GTF3C4: variants seen among roughly 807,000 people sequenced by gnomAD.
The protein encoded by GTF3C4 is general transcription factor IIIC subunit 4, also known as general transcription factor 3C polypeptide 4.
Under a neutral mutation model 67.5 loss-of-function variants are expected in GTF3C4, and 28 were observed. The ratio of observed to expected loss-of-function variants is 0.41; its 90% CI spans 0.31 to 0.57. The LOEUF (loss-of-function observed/expected upper bound fraction) is 0.57, where lower values mean the gene tolerates loss of function less well. Among genes scored for constraint, GTF3C4 ranks in the 20% least tolerant of loss-of-function variants. The probability of loss-of-function intolerance (pLI) is 0.21; values close to 1 mark genes in which losing one functional copy is unlikely to be tolerated. For synonymous variants in GTF3C4, 409 were observed against 393.0 expected (o/e 1.04, Z -0.48); for missense variants, 831 against 1,033.2 (o/e 0.80, Z 2.68).
In GTF3C4 at chr9:132,670,685, G is replaced by A; in HGVS notation, c.87G>A (p.Glu29=). ...SGEEEGEGGG[E]AGGKEPAADA... is the part of the protein sequence containing the mutation. ...AGGAGGAGGGAGAGGGGGGCGGCGAGGCGGGCGGGAAGGAGCCAGCAGCGG... is the reference window on the plus strand; with the variant it reads ...AGGAGGAGGGAGAGGGGGGCGGCGAAGCGGGCGGGAAGGAGCCAGCAGCGG... The change falls in exon 1 of 5, where the codon GAG becomes GAA. Residue 29 remains glutamate, a synonymous_variant. Transcript: ENST00000372146. 1 of 1,512,022 alleles carries A rather than the reference G, an allele frequency of 6.6e-7. No individual in the cohort carries two copies. Among genetic ancestry groups the A allele is most frequent in the Non-Finnish European group, 8.8e-7 (1 of 1,137,738 alleles). 93.7% of individuals were successfully genotyped at this position (1,512,022 alleles called of 1,614,324 possible). A position where few individuals can be genotyped will look rare whatever the true frequency, so the allele number is the denominator to read the frequency against.
At chr9:132,676,667 C>T (rs1835869300) in intron 1 of GTF3C4, among the ~76,000 whole-genome samples, 1 of 152,128 alleles carries the variant, frequency 6.6e-6, no homozygotes, top group African/African-American at 2.4e-5. Context: ...TTTTCTGATA[C>T]ATCCCCAGTT....
chr9:132,673,397 T>A (rs912924244), intron 1 of GTF3C4, among the ~76,000 whole-genome samples: 2 of 143,220 alleles, frequency 1.4e-5, no homozygotes, highest in Non-Finnish European at 3.0e-5. Flanking sequence ...ATTAGTAACA[T>A]CTTCCCCTTC....
chr9:132,679,297 G>A lies in GTF3C4; in HGVS notation c.1678G>A (p.Ala560Thr). ...ACATATCCCTCAATTTTTACAAGAAGCTTTGGAAAAAAAGATTGAAAGCAG... is the reference window on the plus strand; with the variant it reads ...ACATATCCCTCAATTTTTACAAGAAACTTTGGAAAAAAAGATTGAAAGCAG... ...DKHIPQFLQE[A>T]LEKKIESSGV... The change falls in exon 2 of 5, where the codon GCT (alanine) becomes ACT (threonine). Residue 560 changes from alanine to threonine, a missense_variant. By Grantham distance (58) the Ala-to-Thr change is moderately conservative (BLOSUM62 0). Coordinates refer to ENST00000372146, the MANE Select transcript of GTF3C4 (RefSeq NM_012204.4). The surrounding 1 kb of genome is among the most constrained non-coding windows in gnomAD (Gnocchi z 5.9). 2.5e-6 allele frequency: 4 copies of A among 1,613,746 alleles called. No homozygotes were observed. Among genetic ancestry groups the A allele is most frequent in the Non-Finnish European group, 3.4e-6 (4 of 1,179,906 alleles).
Position 132,678,454 on chromosome 9 carries a change from C to T in GTF3C4, c.835C>T (p.Leu279Phe). The change falls in exon 2 of 5, where the codon CTC (leucine) becomes TTC (phenylalanine). Residue 279 changes from leucine (L) to phenylalanine (F), a missense_variant. Transcript: ENST00000372146. This position sits in a 1 kb window ranked among gnomAD's most constrained non-coding sequence, Gnocchi z 6.5. The stretch of plus-strand genomic sequence containing the variant: ...CGTTGGCAGTGTGCTCCTGGCTGTC[C>T]TCTTTGAAAACGGTAATATCGCCGT... Reference protein sequence around the residue: ...RDVGSVLLAVLFENGNIAVWQ... With the variant: ...RDVGSVLLAVFFENGNIAVWQ... 2 of 1,614,192 alleles carry T rather than the reference C, an allele frequency of 1.2e-6. No individual in the cohort carries two copies. Among genetic ancestry groups the T allele is most frequent in the Non-Finnish European group, 1.7e-6 (2 of 1,180,044 alleles).
chr9:132,673,649 G>A (rs401314), intron 1 of GTF3C4, among the ~76,000 whole-genome samples: 72,310 of 152,018 alleles, frequency 0.48, 17,954 homozygotes, highest in African/African-American at 0.61. Context: ...ATGCCTTCGC[G>A]CTAACCTAAA....
In GTF3C4 at chr9:132,692,292, C is replaced by T. The variant is rs1369389850; in HGVS notation, c.*3347C>T. The T allele has an allele frequency of 6.6e-6, 1 of 152,162 alleles. No homozygotes were observed. Among genetic ancestry groups the T allele is most frequent in the Non-Finnish European group, 1.5e-5 (1 of 68,036 alleles). 9.4% of individuals were successfully genotyped at this position (152,162 alleles called of 1,614,324 possible). On this transcript the variant is annotated 3_prime_UTR_variant, in exon 5 of 5. Transcript: ENST00000372146. ...AAAGCTAAATTGTACAGTGGGGTCT[C>T]ACTTCCTAGAAGAAACTATTGGTAA...
At chr9:132,685,053 T>C (rs388425) in intron 3 of GTF3C4, among the ~76,000 whole-genome samples, 69,512 of 147,876 alleles carry the variant, frequency 0.47, 17,128 homozygotes, top group African/African-American at 0.61. Flanking sequence ...CTTGCTGTAT[T>C]GCCCAGGCTG....
chr9:132,679,841 C>A lies in GTF3C4; in HGVS notation c.2184+38C>A. On this transcript the variant is annotated intron_variant, in intron 2 of 4. Transcript: ENST00000372146. This position sits in a 1 kb window ranked among gnomAD's most constrained non-coding sequence, Gnocchi z 5.9. ...TAACAAAAACTCTGAAATTGTAAAG[C>A]CTGCTTTCTTCATGAGAAAGAAATG... 1 of 1,516,418 alleles carries A rather than the reference C, an allele frequency of 6.6e-7. No individual in the cohort carries two copies. The highest frequency in any genetic ancestry group is 8.9e-7 in the Non-Finnish European group (1 of 1,127,896). 93.9% of individuals were successfully genotyped at this position (1,516,418 alleles called of 1,614,324 possible).
chr9:132,678,938 C>T lies in GTF3C4; in HGVS notation c.1319C>T (p.Thr440Ile). The T allele has an allele frequency of 6.2e-7, 1 of 1,614,202 alleles. No individual in the cohort carries two copies. ...GACAAACAGAATGGAACAGTCTATA[C>T]TTGCTCCAGTGACGGAAAGGTGAGG... ...TADKQNGTVY[T>I]CSSDGKVRQL... is the part of the protein sequence containing the mutation. The change falls in exon 2 of 5, where the codon ACT (threonine) becomes ATT (isoleucine). Residue 440 changes from threonine to isoleucine, a missense_variant. Thr to Ile is a moderately conservative substitution (Grantham distance 89). This residue lies in a region of GTF3C4 where 390 missense variants were observed against 540.3 expected (regional missense o/e 0.72). Coordinates refer to ENST00000372146, the MANE Select transcript of GTF3C4 (RefSeq NM_012204.4). This position sits in a 1 kb window ranked among gnomAD's most constrained non-coding sequence, Gnocchi z 6.5.
At chr9:132,680,723 G>A (rs374543806) in intron 2 of GTF3C4, among the ~76,000 whole-genome samples, 17 of 152,340 alleles carry the variant, frequency 1.1e-4, no homozygotes, top group African/African-American at 3.6e-4. Flanking sequence ...GTGTACACAC[G>A]TTCGCCTTTG....
chr9:132,677,612 A>G (rs893457521), intron 1 of GTF3C4, among the ~76,000 whole-genome samples: 7 of 152,256 alleles, frequency 4.6e-5, no homozygotes, highest in African/African-American at 1.7e-4. Context: ...ATTATTCTAT[A>G]GAAACAGTAA....
chr9:132,687,574 G>A (rs1432296633), intron 4 of GTF3C4, among the ~76,000 whole-genome samples: 2 of 152,208 alleles, frequency 1.3e-5, no homozygotes, highest in East Asian at 1.9e-4. Flanking sequence ...GTTTGTCTGC[G>A]TTGCTATTCT....
chr9:132,678,095 C>T lies in GTF3C4; in HGVS notation c.476C>T (p.Pro159Leu), dbSNP rs1724651795. 1 of 1,614,202 alleles carries T rather than the reference C, an allele frequency of 6.2e-7. No homozygotes were observed. The highest frequency in any genetic ancestry group is 1.3e-5 in the African/African-American group (1 of 75,068). ...RVFNPEGKAL[P>L]PMRGFKYTSW... Reference sequence around the variant, plus strand: ...TTCAACCCTGAGGGGAAGGCTTTACCACCAATGAGAGGATTCAAGTACACC... The same window carrying T: ...TTCAACCCTGAGGGGAAGGCTTTACTACCAATGAGAGGATTCAAGTACACC... Residue 159 changes from proline (P) to leucine (L), a missense_variant, in exon 2 of 5, where the codon CCA (proline) becomes CTA (leucine). Around this residue, in one of 4 missense-constraint regions of GTF3C4, gnomAD observed 390 missense variants for 540.3 expected, o/e 0.72. Coordinates refer to ENST00000372146, the MANE Select transcript of GTF3C4 (RefSeq NM_012204.4). The surrounding 1 kb of genome is among the most constrained non-coding windows in gnomAD (Gnocchi z 6.5).
In GTF3C4 at chr9:132,693,562, GTTAGAA is replaced by G. The variant is rs1257512840; in HGVS notation, c.*4621_*4626del. ...TAAGTGAAATACTGTAAATGGGTTG[GTTAGAA>G]TTAAAGTTTAGAACTCTAAATCTTA... On this transcript the variant is annotated 3_prime_UTR_variant, in exon 5 of 5. Transcript: ENST00000372146. 1.3e-5 allele frequency: 2 copies of G among 152,076 alleles called. No homozygotes were observed. The highest frequency in any genetic ancestry group is 2.9e-5 in the Non-Finnish European group (2 of 68,012). The allele number at this position is 152,076 out of a possible 1,614,324, so 9.4% of individuals were successfully genotyped here.
At chr9:132,682,423 G>A (rs529875870) in intron 2 of GTF3C4, among the ~76,000 whole-genome samples, 53 of 151,920 alleles carry the variant, frequency 3.5e-4, no homozygotes, top group Admixed American at 1.8e-3. Context: ...TCCATAAGAG[G>A]TTAAGCAGAA....
At position 132,670,648 on chromosome 9, in the gene GTF3C4, C is replaced by A. The variant is rs746264187; in HGVS notation, c.50C>A (p.Ala17Glu). 1 of 1,474,728 alleles carries A rather than the reference C, an allele frequency of 6.8e-7. No homozygotes were observed. The highest frequency in any genetic ancestry group is 8.9e-7 in the Non-Finnish European group (1 of 1,123,808). The allele number at this position is 1,474,728 out of a possible 1,614,324, so 91.4% of individuals were successfully genotyped here. A position where few individuals can be genotyped will look rare whatever the true frequency, so the allele number is the denominator to read the frequency against. Residue 17 changes from alanine (A) to glutamate (E), a missense_variant, in exon 1 of 5, where the codon GCG (alanine) becomes GAG (glutamate). Physicochemically the swap from Ala to Glu is moderately radical, Grantham distance 107. Coordinates refer to ENST00000372146, the MANE Select transcript of GTF3C4 (RefSeq NM_012204.4). ...GTGGGGCCCGCGGACGACGGGCCTG[C>A]GCCGTCTGGGGAGGAGGAGGGAGAG... ...ARVGPADDGP[A>E]PSGEEEGEGG...
At position 132,692,373 on chromosome 9, in the gene GTF3C4, C is replaced by G. The variant is rs1288628236; in HGVS notation, c.*3428C>G. ...GTATCTGGTTTTCTTCAAAACTTAA[C>G]TATAATTTCCTTGTCAGGGTGCTCA... On this transcript the variant is annotated 3_prime_UTR_variant, in exon 5 of 5. Coordinates refer to ENST00000372146, the MANE Select transcript of GTF3C4 (RefSeq NM_012204.4). 1.3e-5 allele frequency: 2 copies of G among 152,174 alleles called. No individual in the cohort carries two copies. The highest frequency in any genetic ancestry group is 4.8e-5 in the African/African-American group (2 of 41,444). 9.4% of individuals were successfully genotyped at this position (152,174 alleles called of 1,614,324 possible). A position where few individuals can be genotyped will look rare whatever the true frequency, so the allele number is the denominator to read the frequency against.
In GTF3C4 at chr9:132,678,792, A is replaced by G. The variant is rs1178948579; in HGVS notation, c.1173A>G (p.Val391=). 7 of 1,613,666 alleles carry G rather than the reference A, an allele frequency of 4.3e-6. No homozygotes were observed. In the East Asian group the frequency reaches 6.7e-5, roughly 15 times the overall value. ...HPYQKCSCSL[V]VAARGSYVFW... is the part of the protein sequence containing the mutation. Reference sequence around the variant, plus strand: ...ACCAGAAGTGTAGTTGCAGCTTAGTAGTGGCTGCAAGAGGCTCTTATGTAT... The same window carrying G: ...ACCAGAAGTGTAGTTGCAGCTTAGTGGTGGCTGCAAGAGGCTCTTATGTAT... Residue 391 remains valine, a synonymous_variant, in exon 2 of 5, where the codon GTA becomes GTG. Coordinates refer to ENST00000372146, the MANE Select transcript of GTF3C4 (RefSeq NM_012204.4). The surrounding 1 kb of genome is among the most constrained non-coding windows in gnomAD (Gnocchi z 6.5).
chr9:132,681,686 T>C (rs1210155265), intron 2 of GTF3C4, among the ~76,000 whole-genome samples: 4 of 152,296 alleles, frequency 2.6e-5, no homozygotes, highest in African/African-American at 9.6e-5. Context: ...TAAGAACTTT[T>C]TGTCCCAAGA....
Sources: allele counts gnomAD v4.1 joint callset (sites outside exome capture counted in the v4.1 genomes callset), GRCh38; gene constraint gnomAD v4.1.1; regional missense constraint gnomAD v4.1.1; non-coding constraint Gnocchi (gnomAD v3.1); transcripts MANE v1.5; gene names NCBI Gene and HGNC (gene_info 2026-07-23, HGNC 2026-07-21).